PIK3CB: variants seen among roughly 807,000 people sequenced by gnomAD.
PIK3CB encodes the protein phosphatidylinositol-4,5-bisphosphate 3-kinase catalytic subunit beta, also known as phosphatidylinositol 4,5-bisphosphate 3-kinase catalytic subunit beta isoform.
In PIK3CB, 39 loss-of-function variants were observed where a neutral mutation model predicts 136.8. The observed-to-expected ratio is 0.29, with a 90% CI of 0.22 to 0.37. The LOEUF (loss-of-function observed/expected upper bound fraction) is 0.37. Among genes scored for constraint, PIK3CB ranks in the 10% least tolerant of loss-of-function variants. PIK3CB has a pLI of 1.00. For missense variants in PIK3CB, 868 were observed against 1,275.4 expected, an observed-to-expected ratio of 0.68 and a Z score of 4.87; for synonymous variants, 428 against 436.6, an observed-to-expected ratio of 0.98 and a Z score of 0.25.
At chr3:138,723,183 C>A (rs980159485) in intron 8 of PIK3CB, among the ~76,000 whole-genome samples, 1 of 152,040 alleles carries the variant, frequency 6.6e-6, no homozygotes, top group Non-Finnish European at 1.5e-5. Context: ...TAAAAATTGT[C>A]CCATTTCCTG....
chr3:138,744,509 T>C (rs983314452), intron 4 of PIK3CB, among the ~76,000 whole-genome samples: 1 of 150,134 alleles, frequency 6.7e-6, no homozygotes, highest in African/African-American at 2.4e-5. Flanking sequence ...AGTCTTGCTG[T>C]CTCAGGGGTG....
Position 138,742,772 on chromosome 3 carries a change from T to G in PIK3CB, c.407A>C (p.Glu136Ala). 1 of 1,600,700 alleles carries G rather than the reference T, an allele frequency of 6.2e-7. No individual in the cohort carries two copies. ...IGVLIGKGLHEFDSLKDPEVN... is the reference protein window; with the variant it reads ...IGVLIGKGLHAFDSLKDPEVN... ...TTCAGGATCCTTCAAGGAATCAAATTCATGCAGACCTAAACACATTTTTTA... is the reference window on the plus strand; with the variant it reads ...TTCAGGATCCTTCAAGGAATCAAATGCATGCAGACCTAAACACATTTTTTA... Residue 136 changes from glutamate to alanine, a missense_variant, in exon 5 of 24, where the codon GAA (glutamate) becomes GCA (alanine). By Grantham distance (107) the Glu-to-Ala change is moderately radical (BLOSUM62 -1). Transcript: ENST00000674063.
intron 1 of PIK3CB, among the ~76,000 whole-genome samples, chr3:138,799,347 T>G (rs1401939315): frequency 6.6e-6 from 1 of 151,876 alleles, no homozygotes; most frequent in African/African-American, 2.4e-5. Flanking sequence ...CTGGCTATTT[T>G]TTTTTGTATA....
chr3:138,805,392 C>T (rs1387439778), intron 1 of PIK3CB, among the ~76,000 whole-genome samples: 5 of 151,256 alleles, frequency 3.3e-5, no homozygotes, highest in Non-Finnish European at 7.4e-5. Context: ...AATTAGGGGT[C>T]GGGCACGGTG....
At chr3:138,822,773 C>T (rs985847403) in intron 1 of PIK3CB, among the ~76,000 whole-genome samples, 4 of 148,402 alleles carry the variant, frequency 2.7e-5, no homozygotes, top group Non-Finnish European at 4.5e-5. Context: ...ACTCAGGAGG[C>T]GGAGGCTGCA....
chr3:138,803,246 A>C (rs1284774967), intron 1 of PIK3CB, among the ~76,000 whole-genome samples: 1 of 152,222 alleles, frequency 6.6e-6, no homozygotes, highest in Non-Finnish European at 1.5e-5. Context: ...GGTGGTGTCA[A>C]GGCAGGGAGA....
chr3:138,712,384 A>G, intron 9 of PIK3CB, 80 bp from the exon 10 acceptor site: 1 of 565,814 alleles, frequency 1.8e-6, no homozygotes, highest in Non-Finnish European at 3.0e-6. Flanking sequence ...TTGTTTCAAT[A>G]ATGTTAGTTC....
Position 138,759,397 on chromosome 3 carries a change from C to T in PIK3CB, c.-16-38G>A, listed in dbSNP as rs1354111975. The T allele has an allele frequency of 2.8e-6, 4 of 1,443,732 alleles. No individual in the cohort carries two copies. The African/African-American group carries it at 5.6e-5, about 20-fold the overall frequency. 89.4% of individuals were successfully genotyped at this position (1,443,732 alleles called of 1,614,324 possible). ...AATTAAAACATAGCAAAACAACCATCAGCCAAATTTTATACCAAGATATGA... is the reference window on the plus strand; with the variant it reads ...AATTAAAACATAGCAAAACAACCATTAGCCAAATTTTATACCAAGATATGA... On this transcript the variant is annotated intron_variant, in intron 2 of 23. Coordinates refer to ENST00000674063, the MANE Select transcript of PIK3CB (RefSeq NM_006219.3).
At chr3:138,742,251 C>G (rs1189265714) in intron 5 of PIK3CB, among the ~76,000 whole-genome samples, 1 of 152,138 alleles carries the variant, frequency 6.6e-6, no homozygotes, top group East Asian at 1.9e-4. Context: ...TTTAAACATC[C>G]CTTTACAAAT....
rs374038944 is a variant in PIK3CB, at chr3:138,662,573, C to G, written c.2796+1333G>C. ...TGTGAATAGTGCCGCAATAAACATA[C>G]GTGTGCATGTGTCTTTATAGCAGCA... On this transcript the variant is annotated intron_variant, in intron 21 of 23. Transcript: ENST00000674063. Among the ~76,000 whole-genome samples, 4 of 147,950 alleles carry G rather than the reference C, an allele frequency of 2.7e-5. No individual in the cohort carries two copies. In the South Asian group the frequency reaches 8.8e-4, roughly 33 times the overall value.
chr3:138,683,260 A>T (rs572357388), intron 18 of PIK3CB, among the ~76,000 whole-genome samples: 9 of 151,042 alleles, frequency 6.0e-5, no homozygotes, highest in Admixed American at 4.0e-4. Flanking sequence ...GGGCTGAGGT[A>T]GGATGATCAC....
chr3:138,824,913 AAGTT>A (rs1416670459), intron 1 of PIK3CB: 3 of 153,602 alleles, frequency 2.0e-5, no homozygotes, highest in Non-Finnish European at 4.3e-5. Flanking sequence ...AAAAAAAAAA[AAGTT>A]AGCTGGGCAT....
intron 1 of PIK3CB, among the ~76,000 whole-genome samples, chr3:138,830,691 AG>A (rs1016630641): frequency 6.6e-6 from 1 of 151,774 alleles, no homozygotes; most frequent in Admixed American, 6.6e-5. Flanking sequence ...CGAGGTCAGG[AG>A]ATCGAGACCA....
At chr3:138,810,516 G>A (rs1412396179) in intron 1 of PIK3CB, among the ~76,000 whole-genome samples, 1 of 151,078 alleles carries the variant, frequency 6.6e-6, no homozygotes, top group Non-Finnish European at 1.5e-5. Context: ...GCAAAAACCC[G>A]TAATTCCAGT....
chr3:138,784,872 G>C (rs1322530584), intron 2 of PIK3CB, among the ~76,000 whole-genome samples: 1 of 151,790 alleles, frequency 6.6e-6, no homozygotes, highest in African/African-American at 2.4e-5. Context: ...AGTGAGGAGC[G>C]TCTCCCTGGC....
intron 1 of PIK3CB, among the ~76,000 whole-genome samples, chr3:138,801,256 G>A (rs1052683112): frequency 6.6e-6 from 1 of 151,756 alleles, no homozygotes; most frequent in Non-Finnish European, 1.5e-5. Context: ...TTTAAATAAC[G>A]ATAATCTACA....
chr3:138,756,528 C>A (rs1327457838), intron 3 of PIK3CB, among the ~76,000 whole-genome samples: 1 of 152,188 alleles, frequency 6.6e-6, no homozygotes, highest in African/African-American at 2.4e-5. Context: ...CTTACTAACA[C>A]TGTCCTGTCA....
In PIK3CB at chr3:138,756,420, T is replaced by C. The variant is rs571267610; in HGVS notation, c.172-441A>G. 1.0e-3 allele frequency among the ~76,000 whole-genome samples: 155 copies of C among 152,132 alleles called. 1 individual carries two copies. The highest frequency in any genetic ancestry group is 3.4e-3 in the African/African-American group (141 of 41,506). ...GTAAGCAGAAACTACTGATCAGGAGTAATCAAAAAAAAATTTTAATTTAAA... is the reference window on the plus strand; with the variant it reads ...GTAAGCAGAAACTACTGATCAGGAGCAATCAAAAAAAAATTTTAATTTAAA... On this transcript the variant is annotated intron_variant, in intron 3 of 23. Transcript: ENST00000674063.
intron 1 of PIK3CB, among the ~76,000 whole-genome samples, chr3:138,819,065 C>T (rs1401335077): frequency 3.9e-5 from 6 of 152,058 alleles, no homozygotes; most frequent in South Asian, 2.1e-4. Context: ...ACATCACTAC[C>T]GGGCCGGGCG....
Sources: allele counts gnomAD v4.1 joint callset (sites outside exome capture counted in the v4.1 genomes callset), GRCh38; gene constraint gnomAD v4.1.1; transcripts MANE v1.5; gene names NCBI Gene and HGNC (gene_info 2026-07-23, HGNC 2026-07-21).